The following BOLL variants were observed in gnomAD, a reference collection of about 807,000 sequenced individuals.
The protein encoded by BOLL is boule RNA binding protein.
A neutral mutation model predicts 44.4 loss-of-function variants in BOLL; 23 were observed. The ratio of observed to expected loss-of-function variants is 0.52; its 90% CI spans 0.37 to 0.73. BOLL has a LOEUF of 0.73. Among genes scored for constraint, BOLL ranks in the 30% least tolerant of loss-of-function variants. The pLI, the probability that BOLL is intolerant of heterozygous loss-of-function variation, is 0.00. For missense variants in BOLL, 287 were observed against 338.3 expected (o/e 0.85, Z 1.19); for synonymous variants, 97 against 110.8 (o/e 0.88, Z 0.78).
chr2:197,779,061 G>A lies in BOLL; in HGVS notation c.135C>T (p.Asn45=), dbSNP rs573658606. ...AAAAAAATTTTCTTAAATCACTTTC[G>A]TTTGTCTAATGGCATAAAAAGAAAA... ...IFVGGIDFKT[N]ESDLRKFFSQ... The change falls in exon 3 of 11, where the codon AAC becomes AAT. Residue 45 remains asparagine, a synonymous_variant. Transcript: ENST00000392296. The A allele has an allele frequency of 7.2e-5, 115 of 1,605,044 alleles. 1 individual carries two copies. Among genetic ancestry groups the A allele is most frequent in the African/African-American group, 5.9e-4 (44 of 74,682 alleles).
intron 8 of BOLL, among the ~76,000 whole-genome samples, 197 bp downstream of exon 8, chr2:197,757,156 T>C (rs1332678017): frequency 6.6e-6 from 1 of 152,086 alleles, no homozygotes; most frequent in Non-Finnish European, 1.5e-5. Context: ...ACAAAAATCA[T>C]GTAAGGAAAC....
chr2:197,729,709 A>G (rs2106304823), intron 10 of BOLL, among the ~76,000 whole-genome samples: 1 of 152,262 alleles, frequency 6.6e-6, no homozygotes, highest in Non-Finnish European at 1.5e-5. Flanking sequence ...GCACACTGAC[A>G]CCTCACAGGG....
chr2:197,749,020 C>G (rs188658977), intron 9 of BOLL, among the ~76,000 whole-genome samples: 1 of 152,350 alleles, frequency 6.6e-6, no homozygotes, highest in East Asian at 1.9e-4. Context: ...CCCTCTGGGA[C>G]GAAGCTTCCA....
At chr2:197,730,573 G>T (rs1402569142) in intron 10 of BOLL, among the ~76,000 whole-genome samples, 2 of 149,890 alleles carry the variant, frequency 1.3e-5, no homozygotes, top group African/African-American at 4.9e-5. Context: ...GAAAGGTCGG[G>T]TTACCCTCAA....
At chr2:197,746,825 G>A (rs189775821) in intron 9 of BOLL, among the ~76,000 whole-genome samples, 53 of 151,108 alleles carry the variant, frequency 3.5e-4, no homozygotes, top group Non-Finnish European at 5.9e-4. Context: ...GCTTGAACCC[G>A]GGAGGCAGAG....
intron 10 of BOLL, among the ~76,000 whole-genome samples, chr2:197,735,442 C>T (rs1574802653): frequency 6.6e-6 from 1 of 152,092 alleles, no homozygotes; most frequent in Admixed American, 6.6e-5. Flanking sequence ...TTATTCACCT[C>T]AGTCTTTTTT....
At chr2:197,749,611 T>C (rs1188701655) in intron 9 of BOLL, among the ~76,000 whole-genome samples, 2 of 151,640 alleles carry the variant, frequency 1.3e-5, no homozygotes, top group Non-Finnish European at 2.9e-5. Flanking sequence ...ATAGCTGAAT[T>C]GATCAAGCAG....
chr2:197,786,071 C>T (rs1379370874), upstream of BOLL: 11 of 1,573,816 alleles, frequency 7.0e-6, no homozygotes, highest in Non-Finnish European at 7.8e-6. This position sits in a 1 kb window ranked among gnomAD's most constrained non-coding sequence, Gnocchi z 5.9. Flanking sequence ...CACCTTCACG[C>T]CAAGGCAGCA....
chr2:197,737,317 T>C (rs1394919963), intron 10 of BOLL, among the ~76,000 whole-genome samples: 3 of 152,078 alleles, frequency 2.0e-5, no homozygotes, highest in Non-Finnish European at 4.4e-5. Context: ...GATCTACTCA[T>C]GACAATTAGA....
intron 10 of BOLL, among the ~76,000 whole-genome samples, chr2:197,742,807 A>G (rs2106326359): frequency 6.6e-6 from 1 of 152,224 alleles, no homozygotes; most frequent in South Asian, 2.1e-4. Context: ...TAAAACTTAA[A>G]GTATAATAAA....
intron 1 of BOLL, 71 bp downstream of exon 1, chr2:197,784,985 C>G (rs559145182): frequency 1.0e-6 from 1 of 985,864 alleles, no homozygotes; most frequent in Non-Finnish European, 1.2e-6. Context: ...ACTGGCCCCT[C>G]CCCTTGAGAA....
At chr2:197,754,685 G>A (rs576619807) in intron 9 of BOLL, among the ~76,000 whole-genome samples, 1 of 152,146 alleles carries the variant, frequency 6.6e-6, no homozygotes, top group East Asian at 1.9e-4. Context: ...TTGCACTCTA[G>A]CCTGGGCGAT....
At chr2:197,733,740 G>C (rs575909394) in intron 10 of BOLL, among the ~76,000 whole-genome samples, 17 of 152,228 alleles carry the variant, frequency 1.1e-4, no homozygotes, top group Admixed American at 5.9e-4. Context: ...AAATGGTGCT[G>C]GGAAAACTGG....
chr2:197,757,796 C>T (rs2106351889), intron 7 of BOLL, among the ~76,000 whole-genome samples: 1 of 152,198 alleles, frequency 6.6e-6, no homozygotes, highest in East Asian at 1.9e-4. Context: ...ATAAAGAACT[C>T]TTACAACTCA....
chr2:197,785,438 A>C (rs377492817), upstream of BOLL: 35 of 945,950 alleles, frequency 3.7e-5, no homozygotes, highest in African/African-American at 6.2e-4. This position sits in a 1 kb window ranked among gnomAD's most constrained non-coding sequence, Gnocchi z 6.7. Context: ...TCACTTCCCC[A>C]AGTCCACCCT....
At chr2:197,739,952 A>G (rs1486466864) in intron 10 of BOLL, among the ~76,000 whole-genome samples, 1 of 152,194 alleles carries the variant, frequency 6.6e-6, no homozygotes, top group Non-Finnish European at 1.5e-5. Flanking sequence ...AACATCAGCC[A>G]TTTCTGCAAA....
At chr2:197,772,792 G>T (rs1689326806) in intron 5 of BOLL, among the ~76,000 whole-genome samples, 1 of 151,966 alleles carries the variant, frequency 6.6e-6, no homozygotes, top group South Asian at 2.1e-4. Flanking sequence ...AACCAGCAAG[G>T]TTATATAAAT....
intron 7 of BOLL, among the ~76,000 whole-genome samples, chr2:197,762,872 G>C (rs1010112829): frequency 1.3e-5 from 2 of 151,976 alleles, no homozygotes; most frequent in African/African-American, 4.8e-5. Context: ...AAAAGAAATA[G>C]TAATAATCAG....
At chr2:197,729,568 A>G (rs1687045243) in intron 10 of BOLL, among the ~76,000 whole-genome samples, 1 of 152,170 alleles carries the variant, frequency 6.6e-6, no homozygotes, top group Non-Finnish European at 1.5e-5. Context: ...TCCCTGTCTG[A>G]CAGCTTTGAA....
Sources: gnomAD v4.1 joint callset for allele counts (sites outside exome capture counted in the v4.1 genomes callset) on GRCh38, gnomAD v4.1.1 for gene constraint, Gnocchi (gnomAD v3.1) non-coding constraint, MANE v1.5 for transcripts, NCBI Gene and HGNC (gene_info 2026-07-23, HGNC 2026-07-21) for gene names.